The following ABTB3 variants were observed in gnomAD, a reference collection of about 807,000 sequenced individuals.
ABTB3 encodes the protein ankyrin repeat- and BTB/POZ domain-containing protein 3.
chr12:107,436,410 G>A, the ABTB3 span, among the ~76,000 whole-genome samples: 4 of 152,242 alleles, frequency 2.6e-5, no homozygotes, highest in East Asian at 1.9e-4. Flanking sequence ...TGTGAGTGCA[G>A]TGAACTCTGG....
At chr12:107,562,118 G>A in the ABTB3 span, among the ~76,000 whole-genome samples, 24 of 152,282 alleles carry the variant, frequency 1.6e-4, no homozygotes, top group South Asian at 4.8e-3. Flanking sequence ...TACACAGAAG[G>A]TACTTACTTA....
chr12:107,358,472 AAGTTC>A, the ABTB3 span, among the ~76,000 whole-genome samples: 1 of 152,190 alleles, frequency 6.6e-6, no homozygotes, highest in Non-Finnish European at 1.5e-5. Flanking sequence ...TGGAGGATAT[AAGTTC>A]AGACAGGTAA....
the ABTB3 span, among the ~76,000 whole-genome samples, chr12:107,407,626 T>C: frequency 1.2e-3 from 186 of 152,274 alleles, no homozygotes; most frequent in African/African-American, 4.4e-3. Context: ...AGCAATCAAA[T>C]GGTCAAACTC....
chr12:107,475,063 T>A, the ABTB3 span, among the ~76,000 whole-genome samples: 1 of 152,210 alleles, frequency 6.6e-6, no homozygotes, highest in Non-Finnish European at 1.5e-5. Flanking sequence ...GGTGATTTTT[T>A]AAGTGTGCAT....
chr12:107,469,003 C>T, the ABTB3 span, among the ~76,000 whole-genome samples: 1 of 152,288 alleles, frequency 6.6e-6, no homozygotes, highest in Admixed American at 6.5e-5. Context: ...TGTCCTCCCA[C>T]ACCCGCAAAA....
chr12:107,653,846 G>A, the ABTB3 span, among the ~76,000 whole-genome samples: 1 of 152,322 alleles, frequency 6.6e-6, no homozygotes, highest in South Asian at 2.1e-4. Context: ...GTGGCATTAA[G>A]TACATTTGAT....
the ABTB3 span, among the ~76,000 whole-genome samples, chr12:107,546,382 C>G: frequency 6.6e-6 from 1 of 152,132 alleles, no homozygotes; most frequent in Non-Finnish European, 1.5e-5. Flanking sequence ...AGAATGTTAC[C>G]ACCATTGGCC....
At chr12:107,631,893 C>T in the ABTB3 span, among the ~76,000 whole-genome samples, 2 of 152,218 alleles carry the variant, frequency 1.3e-5, no homozygotes, top group Non-Finnish European at 2.9e-5. Flanking sequence ...CTACTGTAAA[C>T]TTCCTCTCTT....
the ABTB3 span, among the ~76,000 whole-genome samples, chr12:107,337,474 G>A: frequency 1.3e-5 from 2 of 152,320 alleles, no homozygotes; most frequent in East Asian, 3.9e-4. Flanking sequence ...TAATGTGGCT[G>A]GTTCCCATGT....
chr12:107,509,767 C>G, the ABTB3 span, among the ~76,000 whole-genome samples: 1 of 152,230 alleles, frequency 6.6e-6, no homozygotes, highest in African/African-American at 2.4e-5. Context: ...TTCCCACTGC[C>G]AAGTCTCTTA....
the ABTB3 span, among the ~76,000 whole-genome samples, chr12:107,389,972 ATGGTCTTT>A: frequency 2.0e-5 from 3 of 151,846 alleles, no homozygotes; most frequent in African/African-American, 7.3e-5. Flanking sequence ...TTCTCTCTGC[ATGGTCTTT>A]CAGCACAAAA....
the ABTB3 span, among the ~76,000 whole-genome samples, chr12:107,525,761 C>G: frequency 6.6e-6 from 1 of 152,204 alleles, no homozygotes; most frequent in Non-Finnish European, 1.5e-5. Flanking sequence ...TCTTGATCAC[C>G]TGGAATGTCC....
the ABTB3 span, among the ~76,000 whole-genome samples, chr12:107,354,410 C>T: frequency 6.6e-6 from 1 of 152,044 alleles, no homozygotes; most frequent in Non-Finnish European, 1.5e-5. Context: ...CTATCTTCTC[C>T]CCTGCCCTAC....
At chr12:107,624,249 T>G in the ABTB3 span, among the ~76,000 whole-genome samples, 1 of 151,958 alleles carries the variant, frequency 6.6e-6, no homozygotes, top group Non-Finnish European at 1.5e-5. Context: ...AACTCAAAAC[T>G]TAAAATGTTT....
At chr12:107,580,752 T>C in the ABTB3 span, 1 of 1,393,578 alleles carries the variant, frequency 7.2e-7, no homozygotes, top group Non-Finnish European at 9.5e-7. Flanking sequence ...CAAATAGAAA[T>C]AACACGGGGC....
chr12:107,641,422 C>T, the ABTB3 span, among the ~76,000 whole-genome samples: 3 of 152,110 alleles, frequency 2.0e-5, no homozygotes, highest in African/African-American at 7.2e-5. Flanking sequence ...TTCTGTAAAT[C>T]TATAATTTCA....
At chr12:107,609,018 C>T in the ABTB3 span, among the ~76,000 whole-genome samples, 1 of 118,270 alleles carries the variant, frequency 8.5e-6, no homozygotes, top group African/African-American at 3.1e-5. Flanking sequence ...AATAAAGACA[C>T]AGATAGCCCA....
the ABTB3 span, among the ~76,000 whole-genome samples, chr12:107,398,277 C>G: frequency 1.4e-4 from 22 of 152,160 alleles, no homozygotes; most frequent in African/African-American, 3.4e-4. Context: ...TTTCCTGAAG[C>G]CTGGTGTTTA....
chr12:107,532,248 C>G, the ABTB3 span, among the ~76,000 whole-genome samples: 2 of 152,218 alleles, frequency 1.3e-5, no homozygotes, highest in African/African-American at 4.8e-5. Context: ...CAACCAGGGC[C>G]CACTGCCACT....
Sources: allele counts gnomAD v4.1 joint callset (sites outside exome capture counted in the v4.1 genomes callset), GRCh38; gene constraint gnomAD v4.1.1; transcripts MANE v1.5; gene names NCBI Gene and HGNC (gene_info 2026-07-23, HGNC 2026-07-21).